GTF3C1: variants seen among roughly 807,000 people sequenced by gnomAD.
The protein encoded by GTF3C1 is general transcription factor 3C polypeptide 1.
A neutral mutation model predicts 226.7 loss-of-function variants in GTF3C1; 57 were observed. The observed-to-expected ratio is 0.25, with a 90% confidence interval of 0.20 to 0.31. The LOEUF is 0.31. Among genes scored for constraint, GTF3C1 ranks in the 10% least tolerant of loss-of-function variants. GTF3C1 has a pLI of 1.00. For synonymous variants in GTF3C1, 1,090 were observed against 1,084.8 expected (o/e 1.00, Z -0.09); for missense variants, 2,217 against 2,776.1 (o/e 0.80, Z 4.53).
At chr16:27,516,430 C>G (rs958086404) in intron 6 of GTF3C1, among the ~76,000 whole-genome samples, 1 of 152,206 alleles carries the variant, frequency 6.6e-6, no homozygotes, top group Non-Finnish European at 1.5e-5. Context: ...TGGAGTGACT[C>G]TCCGGATATT....
chr16:27,477,999 G>A (rs1004334533), intron 28 of GTF3C1, among the ~76,000 whole-genome samples: 20 of 151,986 alleles, frequency 1.3e-4, no homozygotes, highest in South Asian at 2.1e-4. Context: ...GCAAAACCCC[G>A]TCTCTACTAA....
chr16:27,515,342 G>A (rs1010382735), intron 6 of GTF3C1, among the ~76,000 whole-genome samples: 10 of 151,958 alleles, frequency 6.6e-5, no homozygotes, highest in South Asian at 2.1e-4. Context: ...CCAGCTACTC[G>A]GAAGGCTGAA....
rs1038667914 is a variant in GTF3C1, at chr16:27,492,170, C to T, written c.3151+168G>A. ...GGAAGCACCCCACCCATTCAAGGCCCGCCACTTTCCTTTCCAAGGGAGCCC... is the reference window on the plus strand; with the variant it reads ...GGAAGCACCCCACCCATTCAAGGCCTGCCACTTTCCTTTCCAAGGGAGCCC... On this transcript the variant is annotated intron_variant, in intron 19 of 36. Coordinates refer to ENST00000356183, the MANE Select transcript of GTF3C1 (RefSeq NM_001520.4). The surrounding 1 kb of genome is among the most constrained non-coding windows in gnomAD (Gnocchi z 5.0). 1.3e-5 allele frequency among the ~76,000 whole-genome samples: 2 copies of T among 152,172 alleles called. No homozygotes were observed. Among genetic ancestry groups the T allele is most frequent in the African/African-American group, 4.8e-5 (2 of 41,446 alleles).
At chr16:27,466,792 T>G (rs769022913) in intron 32 of GTF3C1, among the ~76,000 whole-genome samples, 1 of 152,188 alleles carries the variant, frequency 6.6e-6, no homozygotes, top group African/African-American at 2.4e-5. Flanking sequence ...GTTGCTGACA[T>G]GGAGAAAGTT....
chr16:27,464,394 C>A lies in GTF3C1; in HGVS notation c.5798G>T (p.Gly1933Val). 1.3e-6 allele frequency: 2 copies of A among 1,597,776 alleles called. No individual in the cohort carries two copies. The highest frequency in any genetic ancestry group is 1.7e-6 in the Non-Finnish European group (2 of 1,172,372). ...GAAQEDQEGV[G>V]EFSSPGQEQL... Reference sequence around the variant, plus strand: ...CTCTTGGCCTGGGGAACTGAACTCACCGACACCCTCTTGGTCTTCCTGTGC... The same window carrying A: ...CTCTTGGCCTGGGGAACTGAACTCAACGACACCCTCTTGGTCTTCCTGTGC... Residue 1933 changes from glycine (G) to valine (V), a missense_variant, in exon 34 of 37, where the codon GGT becomes GTT. Physicochemically the swap from Gly to Val is moderately radical, Grantham distance 109. Transcript: ENST00000356183.
Position 27,464,678 on chromosome 16 carries a change from C to T in GTF3C1, c.5514G>A (p.Glu1838=), listed in dbSNP as rs2087757633. Residue 1838 remains glutamate, a synonymous_variant, in exon 34 of 37, where the codon GAG becomes GAA. Transcript: ENST00000356183. ...GGGGGCTGTCCTCACTGGAAGACCCCTCCAGGGGTCTGGCCTGGGGGTCTT... is the reference window on the plus strand; with the variant it reads ...GGGGGCTGTCCTCACTGGAAGACCCTTCCAGGGGTCTGGCCTGGGGGTCTT... The part of the protein sequence containing the change: ...QREDPQARPL[E]GSSSEDSPPE... 1.9e-6 allele frequency: 3 copies of T among 1,582,760 alleles called. No homozygotes were observed. Among genetic ancestry groups the T allele is most frequent in the Non-Finnish European group, 2.6e-6 (3 of 1,169,730 alleles).
At chr16:27,525,445 G>C (rs994125648) in intron 6 of GTF3C1, among the ~76,000 whole-genome samples, 9 of 152,214 alleles carry the variant, frequency 5.9e-5, no homozygotes, top group East Asian at 1.9e-4. Context: ...CTCTAGGAAG[G>C]TTTCCTAACC....
intron 27 of GTF3C1, among the ~76,000 whole-genome samples, chr16:27,479,793 T>A (rs1214430986): frequency 6.6e-6 from 1 of 152,186 alleles, no homozygotes; most frequent in Non-Finnish European, 1.5e-5. Flanking sequence ...TATTCTGCCT[T>A]GCCTGCCAGA....
intron 32 of GTF3C1, among the ~76,000 whole-genome samples, chr16:27,468,155 T>A (rs1260136992): frequency 6.6e-6 from 1 of 152,002 alleles, no homozygotes; most frequent in Non-Finnish European, 1.5e-5. Context: ...AGAGGTAGAG[T>A]CTGAAGATGG....
At chr16:27,504,021 G>A (rs2088447483) in intron 10 of GTF3C1, among the ~76,000 whole-genome samples, 1 of 152,238 alleles carries the variant, frequency 6.6e-6, no homozygotes, top group Non-Finnish European at 1.5e-5. Flanking sequence ...AAGAGGGGCA[G>A]AAAGTCTTTC....
Position 27,507,248 on chromosome 16 carries a change from C to G in GTF3C1, c.1243-92G>C, listed in dbSNP as rs232076. On this transcript the variant is annotated intron_variant, in intron 8 of 36. Coordinates refer to ENST00000356183, the MANE Select transcript of GTF3C1 (RefSeq NM_001520.4). The surrounding 1 kb of genome is among the most constrained non-coding windows in gnomAD (Gnocchi z 4.9). ...TCTGTGGCATCTATTTCCTTATTGG[C>G]TTTCTTCTGTTTCTCCTGTCTTACT... 0.011 allele frequency: 11,144 copies of G among 984,796 alleles called. 102 individuals carry two copies. The highest frequency in any genetic ancestry group is 0.015 in the Non-Finnish European group (10,000 of 660,828). The allele number at this position is 984,796 out of a possible 1,614,324, so 61.0% of individuals were successfully genotyped here.
Position 27,469,177 on chromosome 16 carries a change from T to G in GTF3C1, c.5074+114A>C. On this transcript the variant is annotated intron_variant, in intron 32 of 36. Transcript: ENST00000356183. This position sits in a 1 kb window ranked among gnomAD's most constrained non-coding sequence, Gnocchi z 4.5. ...GGGGTGTGTTTTTCTGTGTGTTCTG[T>G]GGCTGCACGCCTGGCCTGGGGAGCC... 1 of 1,076,132 alleles carries G rather than the reference T, an allele frequency of 9.3e-7. No homozygotes were observed. The highest frequency in any genetic ancestry group is 1.3e-6 in the Non-Finnish European group (1 of 765,024). 66.7% of individuals were successfully genotyped at this position (1,076,132 alleles called of 1,614,324 possible). A position where few individuals can be genotyped will look rare whatever the true frequency, so the allele number is the denominator to read the frequency against.
chr16:27,526,518 T>C (rs1366179480), intron 6 of GTF3C1, among the ~76,000 whole-genome samples: 1 of 152,222 alleles, frequency 6.6e-6, no homozygotes, highest in Non-Finnish European at 1.5e-5. Context: ...CCAATTCTCT[T>C]GTTTCTAGCC....
At chr16:27,509,942 G>A (rs571322865) in intron 7 of GTF3C1, among the ~76,000 whole-genome samples, 2 of 151,936 alleles carry the variant, frequency 1.3e-5, no homozygotes, top group African/African-American at 2.4e-5. Context: ...CTAGCAACAC[G>A]CTAAAAAGTA....
chr16:27,476,610 T>A, intron 28 of GTF3C1, 66 bp from the exon 29 acceptor site: 1 of 894,014 alleles, frequency 1.1e-6, no homozygotes, highest in Non-Finnish European at 1.8e-6. Flanking sequence ...GCAGATGCAA[T>A]TCTTAGGGAA....
intron 14 of GTF3C1, among the ~76,000 whole-genome samples, chr16:27,495,785 C>G (rs780481642): frequency 6.6e-6 from 1 of 152,186 alleles, no homozygotes; most frequent in Admixed American, 6.5e-5. Flanking sequence ...GAACTCCAGT[C>G]GGTGAAGGAG....
Position 27,548,473 on chromosome 16 carries a change from G to T in GTF3C1, c.221+1197C>A, listed in dbSNP as rs550270449. ...GTAGAGATAGGGTTTCACCACGTTGGTCAGGCGGGTCTTGAACTGCCGACC... is the reference window on the plus strand; with the variant it reads ...GTAGAGATAGGGTTTCACCACGTTGTTCAGGCGGGTCTTGAACTGCCGACC... On this transcript the variant is annotated intron_variant, in intron 1 of 36. Coordinates refer to ENST00000356183, the MANE Select transcript of GTF3C1 (RefSeq NM_001520.4). 2.0e-5 allele frequency among the ~76,000 whole-genome samples: 3 copies of T among 152,112 alleles called. No homozygotes were observed. The South Asian group carries it at 6.2e-4, about 32-fold the overall frequency.
chr16:27,505,044 T>G (rs2088463172), intron 10 of GTF3C1, among the ~76,000 whole-genome samples: 1 of 152,164 alleles, frequency 6.6e-6, no homozygotes, highest in Admixed American at 6.5e-5. Context: ...ACTCAGTGTT[T>G]CCAAAATACA....
rs767247032 is a variant in GTF3C1, at chr16:27,478,545, A to G, written c.4197-14T>C. The G allele has an allele frequency of 8.1e-6, 13 of 1,596,582 alleles. No individual in the cohort carries two copies. Among genetic ancestry groups the G allele is most frequent in the Admixed American group, 6.7e-5 (4 of 59,988 alleles). ...AAAACTCGGTACCTGCAAAAGAAAC[A>G]TAACAGCATGTCAGTGAAACAAAAC... On this transcript the variant is annotated splice_polypyrimidine_tract_variant and intron_variant, in intron 27 of 36. Transcript: ENST00000356183.
Sources: gnomAD v4.1 joint callset for allele counts (sites outside exome capture counted in the v4.1 genomes callset) on GRCh38, gnomAD v4.1.1 for gene constraint, Gnocchi (gnomAD v3.1) non-coding constraint, MANE v1.5 for transcripts, NCBI Gene and HGNC (gene_info 2026-07-23, HGNC 2026-07-21) for gene names.